The following ELP3 variants were observed in gnomAD, a reference collection of about 807,000 sequenced individuals.
The protein encoded by ELP3 is elongator complex protein 3.
In ELP3, 56 loss-of-function variants were observed where a neutral mutation model predicts 74.9. The observed-to-expected ratio is 0.75, with a 90% CI of 0.60 to 0.93. ELP3 has a LOEUF of 0.93. Among genes scored for constraint, ELP3 ranks in the 40% least tolerant of loss-of-function variants. The probability of loss-of-function intolerance (pLI) is 0.00; values close to 1 mark genes in which losing one functional copy is unlikely to be tolerated. For missense variants in ELP3, 573 were observed against 686.5 expected, an observed-to-expected ratio of 0.83 and a Z score of 1.85; for synonymous variants, 222 against 239.8, an observed-to-expected ratio of 0.93 and a Z score of 0.68.
chr8:28,090,253 T>C, upstream of ELP3: 1 of 340,336 alleles, frequency 2.9e-6, no homozygotes, highest in South Asian at 2.4e-5. Flanking sequence ...AGACCTATCC[T>C]CATCTGTGCA....
At chr8:28,094,481 G>A (rs1432936896) in intron 1 of ELP3, among the ~76,000 whole-genome samples, 3 of 152,232 alleles carry the variant, frequency 2.0e-5, no homozygotes, top group African/African-American at 7.2e-5. Context: ...CACTTTGGGA[G>A]GCCAAGGCGG....
At chr8:28,091,231 G>A (rs1381269704), upstream of ELP3, among the ~76,000 whole-genome samples, 1 of 152,124 alleles carries the variant, frequency 6.6e-6, no homozygotes, top group East Asian at 1.9e-4. Context: ...CAGACTTTAA[G>A]AGTCGGTTCT....
chr8:28,179,992 GCTGT>G (rs1238262048), intron 14 of ELP3, among the ~76,000 whole-genome samples: 1 of 152,134 alleles, frequency 6.6e-6, no homozygotes, highest in Non-Finnish European at 1.5e-5. Context: ...TAAGAAATCA[GCTGT>G]CTGTCTTTGA....
intron 14 of ELP3, among the ~76,000 whole-genome samples, chr8:28,174,148 T>C (rs952657587): frequency 6.6e-6 from 1 of 152,054 alleles, no homozygotes; most frequent in Non-Finnish European, 1.5e-5. Context: ...CCTTTCCTTA[T>C]TGATCTTTTG....
chr8:28,159,135 C>T (rs1046911466), intron 12 of ELP3, among the ~76,000 whole-genome samples: 5 of 152,134 alleles, frequency 3.3e-5, no homozygotes, highest in African/African-American at 1.2e-4. Flanking sequence ...CCCACAGGCT[C>T]CACAAAAATT....
chr8:28,188,004 AG>A (rs1180735572), intron 14 of ELP3, among the ~76,000 whole-genome samples: 1 of 152,188 alleles, frequency 6.6e-6, no homozygotes, highest in African/African-American at 2.4e-5. Flanking sequence ...GAAGCAGCAA[AG>A]GAGACTAAGG....
intron 7 of ELP3, among the ~76,000 whole-genome samples, chr8:28,118,004 G>C (rs1160710961): frequency 2.0e-5 from 3 of 152,140 alleles, no homozygotes; most frequent in Non-Finnish European, 2.9e-5. Flanking sequence ...CTCTCATCCT[G>C]CCCAGAGTCT....
At chr8:28,183,365 T>G (rs1815096806) in intron 14 of ELP3, 1 of 391,330 alleles carries the variant, frequency 2.6e-6, no homozygotes, top group Admixed American at 3.0e-5. Context: ...GTAGGAAAGC[T>G]CAGGGTGTAG....
At chr8:28,105,000 G>A (rs1585639886) in intron 3 of ELP3, among the ~76,000 whole-genome samples, 3 of 152,228 alleles carry the variant, frequency 2.0e-5, no homozygotes, top group Non-Finnish European at 1.5e-5. Context: ...GACTTGACCA[G>A]TGGGAGCCTT....
intron 7 of ELP3, among the ~76,000 whole-genome samples, chr8:28,121,771 T>A (rs543729524): frequency 3.3e-5 from 5 of 152,336 alleles, no homozygotes; most frequent in Non-Finnish European, 7.4e-5. Flanking sequence ...TCCTAAACAA[T>A]CATGTCATCT....
rs528646055 is a variant in ELP3, at chr8:28,106,971, G to A, written c.329+188G>A. Among the ~76,000 whole-genome samples the A allele has an allele frequency of 4.6e-5, 7 of 152,260 alleles. No individual in the cohort carries two copies. In the South Asian group the frequency reaches 6.2e-4, roughly 14 times the overall value. ...CTTTAAAATTGGAATATATAAGGCC[G>A]GGCAAAGTGGCTTACGCCTATAATC... On this transcript the variant is annotated intron_variant, in intron 4 of 14. Coordinates refer to ENST00000256398, the MANE Select transcript of ELP3 (RefSeq NM_018091.6).
upstream of ELP3, chr8:28,090,492 T>TGTGTGG: frequency 4.5e-6 from 1 of 222,368 alleles, no homozygotes; most frequent in Non-Finnish European, 8.9e-6. Context: ...GGTGTGTGTG[T>TGTGTGG]GTGTGTGTGT....
At chr8:28,151,352 C>T (rs1304397909) in intron 10 of ELP3, among the ~76,000 whole-genome samples, 1 of 152,166 alleles carries the variant, frequency 6.6e-6, no homozygotes, top group Non-Finnish European at 1.5e-5. Flanking sequence ...ATTCTAGCTA[C>T]CTTTTCCGTC....
At chr8:28,178,311 C>T (rs557144222) in intron 14 of ELP3, among the ~76,000 whole-genome samples, 1 of 152,212 alleles carries the variant, frequency 6.6e-6, no homozygotes, top group Non-Finnish European at 1.5e-5. Flanking sequence ...CTCTAACCCC[C>T]ACTTATGTCA....
At chr8:28,159,578 A>G (rs7841594) in intron 12 of ELP3, among the ~76,000 whole-genome samples, 3,794 of 152,298 alleles carry the variant, frequency 0.025, 177 homozygotes, top group African/African-American at 0.087. Flanking sequence ...AGAAAAGTAC[A>G]AGAGCCATTT....
intron 14 of ELP3, among the ~76,000 whole-genome samples, chr8:28,175,520 T>C (rs973274991): frequency 4.6e-5 from 7 of 152,228 alleles, no homozygotes; most frequent in African/African-American, 1.7e-4. Context: ...AGTATCCCCT[T>C]GATATCCTTT....
chr8:28,151,556 T>C lies in ELP3; in HGVS notation c.1101-4386T>C, dbSNP rs79229534. Among the ~76,000 whole-genome samples the C allele has an allele frequency of 6.1e-3, 930 of 152,346 alleles. 2 individuals are homozygous for C. The highest frequency in any genetic ancestry group is 8.9e-3 in the Non-Finnish European group (607 of 68,034). On this transcript the variant is annotated intron_variant, in intron 10 of 14. Coordinates refer to ENST00000256398, the MANE Select transcript of ELP3 (RefSeq NM_018091.6). ...TAAAAGGAATTGCTGTAAATAGGCT[T>C]ATAGTAACCCGATGGTAAGATGATG...
intron 11 of ELP3, among the ~76,000 whole-genome samples, chr8:28,157,200 G>A (rs1046218355): frequency 3.4e-5 from 5 of 146,524 alleles, no homozygotes; most frequent in Non-Finnish European, 1.5e-5. Flanking sequence ...CTGGAATTCA[G>A]TCATAGCCAA....
At chr8:28,167,288 T>C (rs1339983575) in intron 14 of ELP3, among the ~76,000 whole-genome samples, 6 of 152,210 alleles carry the variant, frequency 3.9e-5, no homozygotes, top group Admixed American at 3.9e-4. Flanking sequence ...CAATCCAATA[T>C]GGCTTTCTAG....
Sources: gnomAD v4.1 joint callset for allele counts (sites outside exome capture counted in the v4.1 genomes callset) on GRCh38, gnomAD v4.1.1 for gene constraint, MANE v1.5 for transcripts, NCBI Gene and HGNC (gene_info 2026-07-23, HGNC 2026-07-21) for gene names.